The following UTRN variants were observed in gnomAD, a reference collection of about 807,000 sequenced individuals.
The protein encoded by UTRN is utrophin, also known as dystrophin-related protein 1.
UTRN carries 283 observed loss-of-function variants against 463.9 expected under a neutral mutation model. The ratio of observed to expected loss-of-function variants is 0.61; its 90% CI spans 0.55 to 0.67. The LOEUF is 0.67. UTRN is among the 30% of genes least tolerant of loss of function. UTRN has a pLI of 0.00. For synonymous variants in UTRN, 1,442 were observed against 1,431.5 expected, an observed-to-expected ratio of 1.01 and a Z score of -0.17; for missense variants, 3,922 against 4,084.3, an observed-to-expected ratio of 0.96 and a Z score of 1.08.
intron 3 of UTRN, among the ~76,000 whole-genome samples, chr6:144,410,615 A>T (rs1007827446): frequency 4.0e-5 from 6 of 148,968 alleles, no homozygotes; most frequent in African/African-American, 1.5e-4. Flanking sequence ...CCATTGTATC[A>T]TTCTTATACC....
chr6:144,818,687 C>T (rs923327167), intron 65 of UTRN, among the ~76,000 whole-genome samples: 34 of 152,182 alleles, frequency 2.2e-4, no homozygotes, highest in African/African-American at 7.7e-4. Context: ...TTATGCATTT[C>T]TATTATGGAA....
intron 6 of UTRN, among the ~76,000 whole-genome samples, chr6:144,425,506 T>C (rs573346155): frequency 1.3e-5 from 2 of 152,364 alleles, no homozygotes; most frequent in Non-Finnish European, 2.9e-5. Context: ...CCAGCTATTA[T>C]TATGATGCTT....
At chr6:144,456,174 A>C (rs1788794847) in intron 19 of UTRN, among the ~76,000 whole-genome samples, 1 of 152,140 alleles carries the variant, frequency 6.6e-6, no homozygotes, top group East Asian at 1.9e-4. Context: ...TGTGTGTTCC[A>C]GTTCAGTTAG....
At chr6:144,391,457 C>CT (rs1198161818) in intron 2 of UTRN, among the ~76,000 whole-genome samples, 22 of 151,998 alleles carry the variant, frequency 1.4e-4, no homozygotes, top group East Asian at 9.6e-4. Context: ...TAAATTATGG[C>CT]TTTTTTTTGA....
At chr6:144,691,421 C>T (rs1783403572) in intron 52 of UTRN, among the ~76,000 whole-genome samples, 1 of 152,196 alleles carries the variant, frequency 6.6e-6, no homozygotes, top group Non-Finnish European at 1.5e-5. Flanking sequence ...CTGGCCCCAA[C>T]TTGATTATAT....
intron 2 of UTRN, among the ~76,000 whole-genome samples, chr6:144,305,171 T>C (rs142693061): frequency 6.6e-6 from 1 of 152,284 alleles, no homozygotes; most frequent in East Asian, 1.9e-4. Flanking sequence ...ACGTATTTGA[T>C]TTAGGTTGTA....
At chr6:144,297,897 AG>A (rs1479065086) in intron 2 of UTRN, among the ~76,000 whole-genome samples, 133 of 152,332 alleles carry the variant, frequency 8.7e-4, no homozygotes, top group African/African-American at 3.1e-3. Flanking sequence ...TTCTAAGCAA[AG>A]GAAGTACGTT....
intron 60 of UTRN, among the ~76,000 whole-genome samples, chr6:144,778,118 TAAGA>T (rs1243877115): frequency 1.3e-5 from 2 of 152,136 alleles, no homozygotes; most frequent in African/African-American, 4.8e-5. Context: ...AGGGAATATC[TAAGA>T]AAGACCAAAG....
intron 19 of UTRN, among the ~76,000 whole-genome samples, chr6:144,456,231 G>A (rs533591244): frequency 2.6e-5 from 4 of 152,238 alleles, no homozygotes; most frequent in African/African-American, 9.6e-5. Context: ...GAATAATCAC[G>A]TCACTGTTTT....
In UTRN at chr6:144,421,951, G is replaced by C. The variant is rs1283195131; in HGVS notation, c.215G>C (p.Gly72Ala). The change falls in exon 4 of 75, where the codon GGC becomes GCC. Residue 72 changes from glycine (G) to alanine (A), a missense_variant. This residue lies in a region of UTRN where 264 missense variants were observed against 327.9 expected (regional missense o/e 0.81). Coordinates refer to ENST00000367545, the MANE Select transcript of UTRN (RefSeq NM_007124.3). Reference sequence around the variant, plus strand: ...AGGAAGCTATTGGATCTTCTAGAAGGCCTCACAGGAACATCACTGGTGAGC... The same window carrying C: ...AGGAAGCTATTGGATCTTCTAGAAGCCCTCACAGGAACATCACTGGTGAGC... ...DGRKLLDLLE[G>A]LTGTSLPKER... 14 of 1,611,994 alleles carry C rather than the reference G, an allele frequency of 8.7e-6. No individual in the cohort carries two copies. The highest frequency in any genetic ancestry group is 1.7e-5 in the Admixed American group (1 of 59,796).
intron 51 of UTRN, among the ~76,000 whole-genome samples, chr6:144,666,496 A>G (rs1780410877): frequency 6.6e-6 from 1 of 152,196 alleles, no homozygotes; most frequent in African/African-American, 2.4e-5. Flanking sequence ...ATGTGTATCT[A>G]TGTGTCATCT....
At chr6:144,622,813 C>T (rs1775569215) in intron 51 of UTRN, among the ~76,000 whole-genome samples, 2 of 152,182 alleles carry the variant, frequency 1.3e-5, no homozygotes, top group African/African-American at 4.8e-5. Context: ...GAACTCCCAT[C>T]TGCATTGGAA....
rs369298470 is a variant in UTRN, at chr6:144,532,018, T to C, written c.6057+816T>C. Among the ~76,000 whole-genome samples, 148 of 152,148 alleles carry C rather than the reference T, an allele frequency of 9.7e-4. 3 individuals are homozygous for C. In the South Asian group the frequency reaches 0.018, roughly 18 times the overall value. ...CGGGCATGGTGGAACGCACCTGCAGTCCCAGCTACTCAGGAGGCTGAGGCA... is the reference window on the plus strand; with the variant it reads ...CGGGCATGGTGGAACGCACCTGCAGCCCCAGCTACTCAGGAGGCTGAGGCA... On this transcript the variant is annotated intron_variant, in intron 42 of 74. Coordinates refer to ENST00000367545, the MANE Select transcript of UTRN (RefSeq NM_007124.3).
At chr6:144,474,518 ATT>A in intron 24 of UTRN, 84 bp from the exon 25 acceptor site, 1 of 1,357,574 alleles carries the variant, frequency 7.4e-7, no homozygotes, top group Non-Finnish European at 9.9e-7. Context: ...CTTGTGTAAT[ATT>A]TGCAGGGAGA....
chr6:144,815,570 A>G (rs757631034), intron 65 of UTRN, among the ~76,000 whole-genome samples: 1 of 152,230 alleles, frequency 6.6e-6, no homozygotes, highest in Non-Finnish European at 1.5e-5. Context: ...CTGGTCTAAC[A>G]GTCCAAAAGT....
chr6:144,562,892 C>T (rs1258488417), intron 50 of UTRN, among the ~76,000 whole-genome samples: 1 of 152,162 alleles, frequency 6.6e-6, no homozygotes, highest in Non-Finnish European at 1.5e-5. Flanking sequence ...TAATAATTGC[C>T]ATTCTGACTA....
At chr6:144,780,651 TA>T (rs201402490) in intron 60 of UTRN, among the ~76,000 whole-genome samples, 1,646 of 151,970 alleles carry the variant, frequency 0.011, 26 homozygotes, top group South Asian at 0.046. Flanking sequence ...TTGATTAAAT[TA>T]AAAAAAAATT....
At chr6:144,487,182 G>A (rs950132430) in intron 28 of UTRN, among the ~76,000 whole-genome samples, 8 of 151,098 alleles carry the variant, frequency 5.3e-5, no homozygotes, top group African/African-American at 2.0e-4. Context: ...TTTATTTATT[G>A]TTTAGAGACA....
At chr6:144,469,737 G>GTTTTTTTTTTTTTTTTTTTTTT (rs1790320067) in intron 23 of UTRN, among the ~76,000 whole-genome samples, 1 of 128,256 alleles carries the variant, frequency 7.8e-6, no homozygotes, top group African/African-American at 3.7e-5. Flanking sequence ...TCATTTTTGG[G>GTTTTTTTTTTTTTTTTTTTTTT]TGTTTCTCGG....
Sources: allele counts gnomAD v4.1 joint callset (sites outside exome capture counted in the v4.1 genomes callset), GRCh38; gene constraint gnomAD v4.1.1; regional missense constraint gnomAD v4.1.1; transcripts MANE v1.5; gene names NCBI Gene and HGNC (gene_info 2026-07-23, HGNC 2026-07-21).